Variants in RSRC1 observed in about 807,000 individuals in gnomAD.
RSRC1 encodes arginine and serine rich coiled-coil 1.
A neutral mutation model predicts 49.1 loss-of-function variants in RSRC1; 39 were observed. The observed-to-expected ratio is 0.79, with a 90% confidence interval of 0.61 to 1.04. The LOEUF (loss-of-function observed/expected upper bound fraction) is 1.04. Among genes scored for constraint, RSRC1 ranks in the 50% least tolerant of loss-of-function variants. The probability of loss-of-function intolerance (pLI) is 0.00; values close to 1 mark genes in which losing one functional copy is unlikely to be tolerated. For missense variants in RSRC1, 388 were observed against 402.4 expected (o/e 0.96, Z 0.31); for synonymous variants, 143 against 130.8 (o/e 1.09, Z -0.63).
chr3:158,485,494 C>T (rs993902349), intron 7 of RSRC1, among the ~76,000 whole-genome samples: 11 of 152,078 alleles, frequency 7.2e-5, no homozygotes, highest in African/African-American at 2.4e-4. Context: ...TATAACACCA[C>T]GGTTCTGCCT....
chr3:158,227,721 T>C (rs1438264171), intron 4 of RSRC1, among the ~76,000 whole-genome samples: 1 of 152,048 alleles, frequency 6.6e-6, no homozygotes, highest in African/African-American at 2.4e-5. Flanking sequence ...AGACCAGGGA[T>C]CAGAAACTTT....
intron 3 of RSRC1, among the ~76,000 whole-genome samples, chr3:158,173,783 A>G (rs1413027761): frequency 6.6e-6 from 1 of 151,998 alleles, no homozygotes; most frequent in East Asian, 1.9e-4. Context: ...ATTAAAAGGA[A>G]CCAACCACTG....
intron 7 of RSRC1, among the ~76,000 whole-genome samples, chr3:158,513,600 A>G (rs572475344): frequency 0.023 from 3,478 of 152,080 alleles, 110 homozygotes; most frequent in African/African-American, 0.08. Context: ...GTCTCTGCCC[A>G]GCTTTGGTAT....
chr3:158,450,331 C>CTTTTTTTTTTTTTTT (rs57318071), intron 6 of RSRC1, among the ~76,000 whole-genome samples: 2 of 127,308 alleles, frequency 1.6e-5, no homozygotes, highest in Non-Finnish European at 3.4e-5. Context: ...TTCTTTTTTG[C>CTTTTTTTTTTTTTTT]TTTTTTTTTT....
intron 4 of RSRC1, chr3:158,276,186 G>T: frequency 1.2e-6 from 1 of 840,460 alleles, no homozygotes; most frequent in Non-Finnish European, 2.0e-6. Context: ...GCCATATGTT[G>T]CACCCTTAGG....
At chr3:158,370,841 A>G (rs1192070045) in intron 6 of RSRC1, among the ~76,000 whole-genome samples, 2 of 151,980 alleles carry the variant, frequency 1.3e-5, no homozygotes, top group Non-Finnish European at 2.9e-5. Flanking sequence ...CTATAACTTT[A>G]TAAGTCACTG....
At chr3:158,379,838 C>CACACACACACG in intron 6 of RSRC1, among the ~76,000 whole-genome samples, 1 of 81,694 alleles carries the variant, frequency 1.2e-5, no homozygotes, top group South Asian at 5.4e-4. Flanking sequence ...ACACACACAC[C>CACACACACACG]CTCCCTCCCT....
At chr3:158,134,342 T>C (rs1716225992) in intron 3 of RSRC1, among the ~76,000 whole-genome samples, 2 of 152,154 alleles carry the variant, frequency 1.3e-5, no homozygotes, top group South Asian at 4.1e-4. Flanking sequence ...AATTAAAAAT[T>C]TTTTTCTTTT....
chr3:158,312,048 A>G (rs1347673213), intron 5 of RSRC1, among the ~76,000 whole-genome samples: 2 of 152,122 alleles, frequency 1.3e-5, no homozygotes, highest in African/African-American at 4.8e-5. Flanking sequence ...AAACCCTGGC[A>G]AGACTCAGAA....
chr3:158,220,157 TA>T lies in RSRC1; in HGVS notation c.494+16914del, dbSNP rs779971494. 4.7e-4 allele frequency among the ~76,000 whole-genome samples: 72 copies of T among 151,622 alleles called. 1 individual carries two copies. The highest frequency in any genetic ancestry group is 1.2e-4 in the Non-Finnish European group (8 of 67,748). The stretch of plus-strand genomic sequence containing the variant: ...ATGAAGATTAAAACAGATAATGTAT[TA>T]AGGAAGGGTTTGTATCCGTGGCTCA... On this transcript the variant is annotated intron_variant, in intron 4 of 9. Coordinates refer to ENST00000611884, the MANE Select transcript of RSRC1 (RefSeq NM_001271838.2).
intron 6 of RSRC1, among the ~76,000 whole-genome samples, chr3:158,372,032 C>T: frequency 7.3e-6 from 1 of 137,904 alleles, no homozygotes; most frequent in South Asian, 2.5e-4. Flanking sequence ...GTTCATTTTT[C>T]AGTTGCTGAG....
At chr3:158,191,164 A>G (rs945544288) in intron 3 of RSRC1, among the ~76,000 whole-genome samples, 1 of 151,884 alleles carries the variant, frequency 6.6e-6, no homozygotes, top group African/African-American at 2.4e-5. Flanking sequence ...CTCCCTTTCC[A>G]AAGCGCATCA....
At chr3:158,448,616 A>G (rs1211076847) in intron 6 of RSRC1, among the ~76,000 whole-genome samples, 2 of 151,992 alleles carry the variant, frequency 1.3e-5, no homozygotes, top group African/African-American at 4.8e-5. Context: ...AAAAATGCCT[A>G]TTCAGGTGAA....
At chr3:158,368,271 A>T (rs1042934062) in intron 6 of RSRC1, among the ~76,000 whole-genome samples, 1 of 152,166 alleles carries the variant, frequency 6.6e-6, no homozygotes, top group African/African-American at 2.4e-5. Context: ...GACTCTCTCA[A>T]GTCAGTATAA....
chr3:158,518,095 C>CGT (rs1263691994), intron 7 of RSRC1, among the ~76,000 whole-genome samples: 1,553 of 77,244 alleles, frequency 0.02, 20 homozygotes, highest in Non-Finnish European at 0.024. Context: ...TAAGTGCGTG[C>CGT]GTGTGTGTGT....
intron 3 of RSRC1, among the ~76,000 whole-genome samples, chr3:158,132,635 C>T (rs567974203): frequency 1.6e-4 from 25 of 152,280 alleles, no homozygotes; most frequent in South Asian, 1.5e-3. Flanking sequence ...GATCCCTATT[C>T]ACATAACATC....
intron 4 of RSRC1, among the ~76,000 whole-genome samples, chr3:158,283,665 A>G (rs1726314535): frequency 1.3e-5 from 2 of 152,190 alleles, no homozygotes; most frequent in African/African-American, 4.8e-5. Context: ...TGTATTAAAT[A>G]CAATGGAGTG....
chr3:158,187,846 G>A (rs827160), intron 3 of RSRC1, among the ~76,000 whole-genome samples: 99,632 of 151,824 alleles, frequency 0.66, 32,938 homozygotes, highest in East Asian at 0.84. Context: ...GTAATTTCGT[G>A]TAGGCTTATA....
chr3:158,201,048 T>C (rs575283804), intron 3 of RSRC1, among the ~76,000 whole-genome samples: 82 of 152,262 alleles, frequency 5.4e-4, no homozygotes, highest in African/African-American at 1.9e-3. Flanking sequence ...CTTCTGTTGA[T>C]ATTTGTTTAC....
Sources: allele counts gnomAD v4.1 joint callset (sites outside exome capture counted in the v4.1 genomes callset), GRCh38; gene constraint gnomAD v4.1.1; transcripts MANE v1.5; gene names NCBI Gene and HGNC (gene_info 2026-07-23, HGNC 2026-07-21).